Variants in PRIM2 observed in about 807,000 individuals in gnomAD.
PRIM2 encodes the protein DNA primase large subunit.
In PRIM2, 39 loss-of-function variants were observed where a neutral mutation model predicts 67.3. The observed-to-expected ratio is 0.58, with a 90% confidence interval of 0.45 to 0.76. PRIM2 has a LOEUF of 0.76. Ranked by LOEUF, PRIM2 falls within the 30% of genes least tolerant of loss-of-function variation. PRIM2 has a pLI of 0.00. For synonymous variants in PRIM2, 143 were observed against 198.7 expected (o/e 0.72, Z 2.36); for missense variants, 398 against 598.7 (o/e 0.66, Z 3.50).
intron 7 of PRIM2, among the ~76,000 whole-genome samples, chr6:57,408,608 G>A (rs1269989683): frequency 6.6e-6 from 1 of 152,076 alleles, no homozygotes; most frequent in East Asian, 1.9e-4. Context: ...TTTCTGTCAT[G>A]ATAATTTTGT....
intron 10 of PRIM2, among the ~76,000 whole-genome samples, chr6:57,560,616 ATAT>A (rs1184679009): frequency 2.0e-5 from 3 of 149,334 alleles, no homozygotes; most frequent in African/African-American, 7.4e-5. Context: ...TTGGAAGTCA[ATAT>A]TATTCCTTGA....
At chr6:57,456,505 A>G (rs1289469223) in intron 7 of PRIM2, among the ~76,000 whole-genome samples, 4 of 152,078 alleles carry the variant, frequency 2.6e-5, no homozygotes, top group African/African-American at 2.4e-5. Flanking sequence ...TTTTTTCTCT[A>G]AACTTCTCTT....
chr6:57,621,702 A>C (rs1373230132), intron 12 of PRIM2, among the ~76,000 whole-genome samples: 4 of 152,178 alleles, frequency 2.6e-5, no homozygotes, highest in Non-Finnish European at 5.9e-5. Flanking sequence ...AAATCATTTG[A>C]GAAAAAAGAA....
chr6:57,580,393 C>T (rs1420414115), intron 10 of PRIM2, among the ~76,000 whole-genome samples: 1 of 152,046 alleles, frequency 6.6e-6, no homozygotes, highest in Admixed American at 6.6e-5. Context: ...TAGCAAAAGA[C>T]AGATTAATAA....
chr6:57,319,358 T>A (rs914763629), intron 2 of PRIM2, among the ~76,000 whole-genome samples: 1 of 152,206 alleles, frequency 6.6e-6, no homozygotes, highest in Non-Finnish European at 1.5e-5. Flanking sequence ...AGAGTTTATG[T>A]TCCAGGATAT....
rs1413401516 is a variant in PRIM2 at position 57,613,245 on chromosome 6, T to C, written c.1230+6788T>C. On this transcript the variant is annotated intron_variant, in intron 12 of 13. Transcript: ENST00000615550. ...TTAGAGTGACATAGACAACATCCTA[T>C]GTAATAAAAAATGGAAATGGTTAAA... is the stretch of plus-strand genomic sequence containing the variant. Among the ~76,000 whole-genome samples, 9 of 152,200 alleles carry C rather than the reference T, an allele frequency of 5.9e-5. No individual in the cohort carries two copies. In the East Asian group the frequency reaches 1.5e-3, roughly 26 times the overall value.
intron 5 of PRIM2, among the ~76,000 whole-genome samples, chr6:57,334,023 G>A (rs1768140616): frequency 1.3e-5 from 2 of 152,148 alleles, no homozygotes; most frequent in South Asian, 4.1e-4. Flanking sequence ...TCTTAACTGT[G>A]ATTATGCATC....
At chr6:57,496,761 A>C (rs1682185454) in intron 7 of PRIM2, among the ~76,000 whole-genome samples, 1 of 152,236 alleles carries the variant, frequency 6.6e-6, no homozygotes, top group Non-Finnish European at 1.5e-5. Flanking sequence ...ATTGCCTCAC[A>C]AATTTATTAA....
Position 57,587,498 on chromosome 6 carries a change from A to T in PRIM2, c.1021-13595A>T, listed in dbSNP as rs1430817182. ...GCTAACATGGTGAAACCCCATCTCT[A>T]CTAAAAATACAAAAAATTAGCTGGG... On this transcript the variant is annotated intron_variant, in intron 10 of 13. Transcript: ENST00000615550. Among the ~76,000 whole-genome samples, 51 of 152,048 alleles carry T rather than the reference A, an allele frequency of 3.4e-4. 2 individuals carry two copies. In the East Asian group the frequency reaches 9.7e-3, roughly 29 times the overall value.
intron 5 of PRIM2, among the ~76,000 whole-genome samples, chr6:57,353,139 CAAAAAAAAAA>C (rs57281233): frequency 3.4e-5 from 2 of 58,590 alleles, no homozygotes; most frequent in African/African-American, 9.8e-5. Flanking sequence ...GGTGAAATCC[CAAAAAAAAAA>C]AAAAAAAAAA....
chr6:57,395,232 G>A (rs1770482339), intron 7 of PRIM2, among the ~76,000 whole-genome samples: 1 of 152,122 alleles, frequency 6.6e-6, no homozygotes. Context: ...GTTTTAAAAG[G>A]ATTGGTACCA....
intron 2 of PRIM2, among the ~76,000 whole-genome samples, chr6:57,319,793 G>C (rs1282878628): frequency 6.6e-6 from 1 of 152,210 alleles, no homozygotes; most frequent in East Asian, 1.9e-4. Context: ...GCAGGACGAA[G>C]AGTAGGAATG....
At chr6:57,424,976 A>T (rs1325855887) in intron 7 of PRIM2, among the ~76,000 whole-genome samples, 15 of 152,302 alleles carry the variant, frequency 9.8e-5, no homozygotes, top group Non-Finnish European at 2.1e-4. Context: ...TAAGTGTAGG[A>T]TAGAGGAATA....
intron 13 of PRIM2, among the ~76,000 whole-genome samples, chr6:57,645,321 TCACACACACACACACACACACACACA>T (rs1189530732): frequency 4.5e-5 from 6 of 132,776 alleles, no homozygotes; most frequent in Non-Finnish European, 8.1e-5. Flanking sequence ...ACAATGTCAT[TCACACACACACACACACACACACACA>T]CACACACACA....
At chr6:57,490,089 T>G (rs1396974001) in intron 7 of PRIM2, among the ~76,000 whole-genome samples, 1 of 152,106 alleles carries the variant, frequency 6.6e-6, no homozygotes, top group African/African-American at 2.4e-5. Context: ...TGAAAACAGG[T>G]ACAAGCCAAC....
chr6:57,325,977 A>G lies in PRIM2; in HGVS notation c.391A>G (p.Arg131Gly), dbSNP rs1481734764. The change falls in exon 5 of 14, where the codon AGA becomes GGA. Residue 131 changes from arginine (R) to glycine (G), a missense_variant. Arg to Gly is a moderately radical substitution (Grantham distance 125). This residue lies in a region of PRIM2 where 229 missense variants were observed against 383.6 expected (regional missense o/e 0.60). Coordinates refer to ENST00000615550, the MANE Select transcript of PRIM2 (RefSeq NM_000947.5). The stretch of plus-strand genomic sequence containing the variant: ...ACAAGAAATGGATCTCCTTCGATTT[A>G]GATTTAGTATTTTACCCAAGGATAA... ...IQQEMDLLRF[R>G]FSILPKDKIQ... 6.2e-7 allele frequency: 1 copy of G among 1,612,374 alleles called. No homozygotes were observed. Among genetic ancestry groups the G allele is most frequent in the Non-Finnish European group, 8.5e-7 (1 of 1,179,574 alleles).
chr6:57,630,452 C>T (rs1293767260), intron 12 of PRIM2, among the ~76,000 whole-genome samples: 3 of 151,912 alleles, frequency 2.0e-5, no homozygotes, highest in Non-Finnish European at 2.9e-5. Context: ...TTCTCACATT[C>T]TGTGGCTTTT....
chr6:57,483,376 T>G (rs1773675708), intron 7 of PRIM2, among the ~76,000 whole-genome samples: 1 of 152,176 alleles, frequency 6.6e-6, no homozygotes, highest in Non-Finnish European at 1.5e-5. Context: ...TGTCTTATAG[T>G]CCTACCAGTG....
At chr6:57,373,370 T>C (rs1438710205) in intron 5 of PRIM2, among the ~76,000 whole-genome samples, 1 of 152,128 alleles carries the variant, frequency 6.6e-6, no homozygotes, top group African/African-American at 2.4e-5. Flanking sequence ...GTCAGATGTA[T>C]AGATTGCAAA....
Sources: allele counts gnomAD v4.1 joint callset (sites outside exome capture counted in the v4.1 genomes callset), GRCh38; gene constraint gnomAD v4.1.1; regional missense constraint gnomAD v4.1.1; transcripts MANE v1.5; gene names NCBI Gene and HGNC (gene_info 2026-07-23, HGNC 2026-07-21).